TTC13: variants seen among roughly 807,000 people sequenced by gnomAD.
TTC13 encodes the protein tetratricopeptide repeat domain 13.
In TTC13, 62 loss-of-function variants were observed where a neutral mutation model predicts 120.0. The observed-to-expected ratio is 0.52, with a 90% CI of 0.42 to 0.64. TTC13 has a LOEUF of 0.64. Among genes scored for constraint, TTC13 ranks in the 30% least tolerant of loss-of-function variants. The pLI, the probability that TTC13 is intolerant of heterozygous loss-of-function variation, is 0.00. For missense variants in TTC13, 824 were observed against 1,050.2 expected (o/e 0.78, Z 2.98); for synonymous variants, 384 against 393.5 (o/e 0.98, Z 0.28).
chr1:230,949,870 C>T (rs1258265379), intron 4 of TTC13, among the ~76,000 whole-genome samples: 2 of 152,116 alleles, frequency 1.3e-5, no homozygotes, highest in East Asian at 3.9e-4. Flanking sequence ...AGGATAGTCT[C>T]AATCTCCTGA....
At chr1:230,969,255 C>A (rs113691349) in intron 1 of TTC13, among the ~76,000 whole-genome samples, 100 of 127,440 alleles carry the variant, frequency 7.8e-4, no homozygotes, top group African/African-American at 2.8e-3. Context: ...AAGCGACACT[C>A]CATCTCAAAA....
intron 17 of TTC13, among the ~76,000 whole-genome samples, chr1:230,917,919 C>T (rs1378146501): frequency 2.0e-5 from 3 of 152,236 alleles, no homozygotes; most frequent in Non-Finnish European, 4.4e-5. Context: ...TATGGTACAT[C>T]TCAGGGCCTG....
intron 4 of TTC13, among the ~76,000 whole-genome samples, chr1:230,949,821 T>A (rs896656584): frequency 1.4e-4 from 21 of 152,126 alleles, no homozygotes; most frequent in African/African-American, 5.1e-4. Flanking sequence ...AATTTTGTTT[T>A]TGTATTTTTA....
chr1:230,907,097 C>G, intron 22 of TTC13, 78 bp from the exon 23 acceptor site: 1 of 519,828 alleles, frequency 1.9e-6, no homozygotes, highest in Non-Finnish European at 3.3e-6. Flanking sequence ...ATATTTATTC[C>G]TATCATTATA....
chr1:230,964,312 G>T (rs1676925045), intron 1 of TTC13, among the ~76,000 whole-genome samples: 4 of 152,102 alleles, frequency 2.6e-5, no homozygotes, highest in Admixed American at 2.6e-4. Context: ...CCAAGTCAAA[G>T]GGTGTGCACA....
chr1:230,947,089 T>C (rs188574636), intron 4 of TTC13, among the ~76,000 whole-genome samples: 1 of 152,232 alleles, frequency 6.6e-6, no homozygotes, highest in East Asian at 1.9e-4. Context: ...CATGCTCATT[T>C]ATAATCAGAA....
chr1:230,970,810 A>G (rs1009849715), intron 1 of TTC13, among the ~76,000 whole-genome samples: 2 of 152,178 alleles, frequency 1.3e-5, no homozygotes, highest in Admixed American at 1.3e-4. Flanking sequence ...TCGACCACCT[A>G]GTTATAACAG....
At chr1:230,916,109 C>T (rs937850328) in intron 18 of TTC13, 84 bp downstream of exon 18, 12 of 1,027,570 alleles carry the variant, frequency 1.2e-5, no homozygotes, top group Middle Eastern at 2.0e-4. Context: ...AAGTTCAACA[C>T]CACAAAACTC....
intron 8 of TTC13, among the ~76,000 whole-genome samples, chr1:230,939,004 C>T (rs1414029483): frequency 6.6e-6 from 1 of 152,188 alleles, no homozygotes; most frequent in African/African-American, 2.4e-5. Context: ...CACCTCCACC[C>T]CCTAATCCTA....
chr1:230,934,492 A>G (rs1673858721), intron 8 of TTC13, among the ~76,000 whole-genome samples: 2 of 152,236 alleles, frequency 1.3e-5, no homozygotes, highest in South Asian at 4.1e-4. Context: ...GAGAACTGCT[A>G]AGCAGGCACT....
intron 4 of TTC13, among the ~76,000 whole-genome samples, chr1:230,947,552 C>T (rs1221766510): frequency 6.6e-6 from 1 of 151,436 alleles, no homozygotes; most frequent in African/African-American, 2.4e-5. Flanking sequence ...CTAATGATAA[C>T]TAATGAGCTA....
At chr1:230,960,578 A>G (rs894056573) in intron 2 of TTC13, among the ~76,000 whole-genome samples, 3 of 132,772 alleles carry the variant, frequency 2.3e-5, no homozygotes, top group Admixed American at 7.4e-5. Flanking sequence ...TTTGTTTGAA[A>G]AAAAAAAAAA....
In TTC13 at chr1:230,908,156, A is replaced by G. The variant is rs185337496; in HGVS notation, c.2468+556T>C. Among the ~76,000 whole-genome samples, 18 of 152,318 alleles carry G rather than the reference A, an allele frequency of 1.2e-4. No individual in the cohort carries two copies. The East Asian group carries it at 3.5e-3, about 29-fold the overall frequency. On this transcript the variant is annotated intron_variant, in intron 22 of 22. Coordinates refer to ENST00000366661, the MANE Select transcript of TTC13 (RefSeq NM_024525.5). ...CTGATCATATAAATAAGACTTTGGT[A>G]ATTTTCTTTCACCAACTACTTTTTA...
At chr1:230,964,590 AATTATCT>A (rs752390238) in intron 1 of TTC13, among the ~76,000 whole-genome samples, 52 of 152,186 alleles carry the variant, frequency 3.4e-4, no homozygotes, top group Non-Finnish European at 5.6e-4. Flanking sequence ...AAAAATTCCT[AATTATCT>A]ATTTTCCAAA....
chr1:230,912,798 A>C (rs763964742), intron 18 of TTC13, 40 bp from the exon 19 acceptor site: 40 of 1,574,306 alleles, frequency 2.5e-5, no homozygotes, highest in Non-Finnish European at 3.3e-5. Context: ...ATGTATTATA[A>C]GTTCAAACAG....
chr1:230,910,478 C>A (rs1015154199), intron 20 of TTC13, among the ~76,000 whole-genome samples: 1 of 152,102 alleles, frequency 6.6e-6, no homozygotes, highest in Non-Finnish European at 1.5e-5. Flanking sequence ...CTAGCTGTGG[C>A]GGGTACAGGG....
intron 14 of TTC13, among the ~76,000 whole-genome samples, chr1:230,924,195 G>T (rs1672838679): frequency 6.6e-6 from 1 of 152,202 alleles, no homozygotes; most frequent in Non-Finnish European, 1.5e-5. Context: ...TAGTTGCCAG[G>T]CACACCATTA....
At chr1:230,958,038 C>T (rs1451218101) in intron 3 of TTC13, among the ~76,000 whole-genome samples, 186 bp downstream of exon 3, 1 of 73,420 alleles carries the variant, frequency 1.4e-5, no homozygotes, top group Non-Finnish European at 2.6e-5. Context: ...TCCATCCAAA[C>T]CTTTTTTTTT....
chr1:230,945,915 C>G (rs961389943), intron 4 of TTC13, among the ~76,000 whole-genome samples: 3 of 152,220 alleles, frequency 2.0e-5, no homozygotes, highest in Non-Finnish European at 2.9e-5. Flanking sequence ...AGTGCCAACA[C>G]AATGACGAAC....
Sources: gnomAD v4.1 joint callset for allele counts (sites outside exome capture counted in the v4.1 genomes callset) on GRCh38, gnomAD v4.1.1 for gene constraint, MANE v1.5 for transcripts, NCBI Gene and HGNC (gene_info 2026-07-23, HGNC 2026-07-21) for gene names.